CABLES2: variants seen among roughly 807,000 people sequenced by gnomAD.
CABLES2 encodes Cdk5 and Abl enzyme substrate 2, also known as CDK5 and ABL1 enzyme substrate 2.
In CABLES2, 35 loss-of-function variants were observed where a neutral mutation model predicts 44.8. The ratio of observed to expected loss-of-function variants is 0.78; its 90% CI spans 0.60 to 1.04. The LOEUF (loss-of-function observed/expected upper bound fraction) is 1.04, where lower values mean the gene tolerates loss of function less well. Ranked by LOEUF, CABLES2 falls within the 50% of genes least tolerant of loss-of-function variation. The probability of loss-of-function intolerance (pLI) is 0.00; values close to 1 mark genes in which losing one functional copy is unlikely to be tolerated. For missense variants in CABLES2, 566 were observed against 615.7 expected (o/e 0.92, Z 0.85); for synonymous variants, 282 against 281.1 (o/e 1.00, Z -0.03).
intron 1 of CABLES2, among the ~76,000 whole-genome samples, chr20:62,401,017 T>C (rs1232217856): frequency 2.0e-5 from 3 of 152,190 alleles, no homozygotes; most frequent in East Asian, 1.9e-4. Context: ...AGGAGCTGTT[T>C]AGCAACTTGC....
chr20:62,396,490 C>G lies in CABLES2; in HGVS notation c.434+31G>C, dbSNP rs756485443. 3 of 1,613,498 alleles carry G rather than the reference C, an allele frequency of 1.9e-6. No homozygotes were observed. Among genetic ancestry groups the G allele is most frequent in the Non-Finnish European group, 2.5e-6 (3 of 1,179,680 alleles). On this transcript the variant is annotated intron_variant, in intron 2 of 9. Coordinates refer to ENST00000279101, the MANE Select transcript of CABLES2 (RefSeq NM_031215.3). This position sits in a 1 kb window ranked among gnomAD's most constrained non-coding sequence, Gnocchi z 5.7. ...GGGTCAGTGGCAGCCCGAGCGGAGT[C>G]GTAGAGCTCGGGGCGGACGGGGGCG...
chr20:62,407,282 G>T lies in CABLES2; in HGVS notation c.-6C>A. 1 of 421,166 alleles carries T rather than the reference G, an allele frequency of 2.4e-6. No individual in the cohort carries two copies. The highest frequency in any genetic ancestry group is 3.1e-6 in the Non-Finnish European group (1 of 317,630). The allele number at this position is 421,166 out of a possible 1,614,324, so 26.1% of individuals were successfully genotyped here. A position where few individuals can be genotyped will look rare whatever the true frequency, so the allele number is the denominator to read the frequency against. Reference sequence around the variant, plus strand: ...CCGGCCGCGGCCGCGGCCATCCTCAGACTGCGCCCGCCGCCGCGAAGCGCC... The same window carrying T: ...CCGGCCGCGGCCGCGGCCATCCTCATACTGCGCCCGCCGCCGCGAAGCGCC... On this transcript the variant is annotated 5_prime_UTR_variant, in exon 1 of 10. The change creates a new upstream start codon in the 5' untranslated region. Coordinates refer to ENST00000279101, the MANE Select transcript of CABLES2 (RefSeq NM_031215.3).
rs61742254 is a variant in CABLES2, at chr20:62,391,404, C to T, written c.1141G>A (p.Val381Met). 9 of 1,613,352 alleles carry T rather than the reference C, an allele frequency of 5.6e-6. No homozygotes were observed. The highest frequency in any genetic ancestry group is 1.1e-5 in the South Asian group (1 of 91,086). Reference protein sequence around the residue: ...SLSEECSLEPVTVAMAYVYFE... With the variant: ...SLSEECSLEPMTVAMAYVYFE... ...TACACGTAGGCCATGGCCACCGTCA[C>T]GGGCTCCAGGCTGCACTCCTCCGAC... is the stretch of plus-strand genomic sequence containing the variant. The change falls in exon 9 of 10, where the codon GTG (valine) becomes ATG (methionine). Residue 381 changes from valine to methionine, a missense_variant. By Grantham distance (21) the Val-to-Met change is conservative. Transcript: ENST00000279101. The surrounding 1 kb of genome is among the most constrained non-coding windows in gnomAD (Gnocchi z 5.7).
rs140764432 is a variant in CABLES2, at chr20:62,394,634, C to T, written c.605+303G>A. 2.6e-3 allele frequency among the ~76,000 whole-genome samples: 396 copies of T among 152,310 alleles called. 3 individuals are homozygous for T. The highest frequency in any genetic ancestry group is 9.1e-3 in the African/African-American group (379 of 41,562). Reference sequence around the variant, plus strand: ...GTTTCCTCCTTCCCTGAATTACGCACGGATACGACTGCCTGGATGGTCACA... The same window carrying T: ...GTTTCCTCCTTCCCTGAATTACGCATGGATACGACTGCCTGGATGGTCACA... On this transcript the variant is annotated intron_variant, in intron 4 of 9. Transcript: ENST00000279101.
chr20:62,407,218 GGGGGCCCGGC>G lies in CABLES2; in HGVS notation c.49_58del (p.Ala17ArgfsTer139). 1 of 958,436 alleles carries G rather than the reference GGGGGCCCGGC, an allele frequency of 1.0e-6. No homozygotes were observed. Among genetic ancestry groups the G allele is most frequent in the Non-Finnish European group, 1.2e-6 (1 of 808,490 alleles). The allele number at this position is 958,436 out of a possible 1,614,324, so 59.4% of individuals were successfully genotyped here. On this transcript the variant is annotated frameshift_variant, in exon 1 of 10. Transcript: ENST00000279101. LOFTEE classifies it high-confidence loss of function. Reference sequence around the variant, plus strand: ...GGCCGAGGTCGGCGCGGCGGGTGGCGGGGGCCCGGCGGGGCCGGGGGCCGGGCCCGGGGCT... The same window carrying G: ...GGCCGAGGTCGGCGCGGCGGGTGGCGGGGGCCGGGGGCCGGGCCCGGGGCT...
chr20:62,400,255 G>A (rs1292770231), intron 1 of CABLES2, among the ~76,000 whole-genome samples: 1 of 151,184 alleles, frequency 6.6e-6, no homozygotes, highest in Non-Finnish European at 1.5e-5. Flanking sequence ...CGGTGGGCTG[G>A]CCTGCACAGT....
In CABLES2 at chr20:62,393,447, T is replaced by C; in HGVS notation, c.873A>G (p.Thr291=). ...PAPTKSAPAS[T]ELGSDVGDTL... is the part of the protein sequence containing the mutation. ...TTAAGGCACGTGGGCTACCTAGTTC[T>C]GTGCTGGCTGGTGCCGACTTGGTGG... Residue 291 remains threonine (T), a synonymous_variant, in exon 6 of 10, where the codon ACA becomes ACG. Transcript: ENST00000279101. 6.2e-7 allele frequency: 1 copy of C among 1,604,914 alleles called. No homozygotes were observed. The highest frequency in any genetic ancestry group is 8.5e-7 in the Non-Finnish European group (1 of 1,175,274).
rs1053678931 is a variant in CABLES2, at chr20:62,394,201, T to C, written c.670A>G (p.Met224Val). The change falls in exon 5 of 10, where the codon ATG becomes GTG. Residue 224 changes from methionine to valine, a missense_variant. Physicochemically the swap from Met to Val is conservative, Grantham distance 21. Coordinates refer to ENST00000279101, the MANE Select transcript of CABLES2 (RefSeq NM_031215.3). The part of the protein sequence containing the change: ...PSGGVSVSSE[M>V]VFELEGVELG... ...TCCACACCTTCTAGCTCAAAGACCA[T>C]CTCGGAAGACACAGAGACGCCGCCG... The C allele has an allele frequency of 6.2e-7, 1 of 1,613,542 alleles. No individual in the cohort carries two copies.
At position 62,392,331 on chromosome 20, in the gene CABLES2, GA is replaced by G. The variant is rs1987934404; in HGVS notation, c.1091+57del. ...TGGAGAGAATCTACCAGAAACTGGA[GA>G]GGAGAGGCTGGCAGGGCCTCCCAGG... On this transcript the variant is annotated intron_variant, in intron 8 of 9. Transcript: ENST00000279101. 6 of 1,217,820 alleles carry G rather than the reference GA, an allele frequency of 4.9e-6. No individual in the cohort carries two copies. In the East Asian group the frequency reaches 1.4e-4, roughly 28 times the overall value. The allele number at this position is 1,217,820 out of a possible 1,614,324, so 75.4% of individuals were successfully genotyped here. A position where few individuals can be genotyped will look rare whatever the true frequency, so the allele number is the denominator to read the frequency against.
chr20:62,407,264 C>T lies in CABLES2; in HGVS notation c.13G>A (p.Ala5Thr). Reference sequence around the variant, plus strand: ...GCCGGGCCCGGGGCTCCACCGGCCGCGGCCGCGGCCATCCTCAGACTGCGC... The same window carrying T: ...GCCGGGCCCGGGGCTCCACCGGCCGTGGCCGCGGCCATCCTCAGACTGCGC... Reference protein sequence around the residue: MAAAAAGGAPGPAPG... With the variant: MAAATAGGAPGPAPG... The change falls in exon 1 of 10, where the codon GCG (alanine) becomes ACG (threonine). Residue 5 changes from alanine to threonine, a missense_variant. Around this residue, in one of 2 missense-constraint regions of CABLES2, gnomAD observed 130 missense variants for 79.4 expected, o/e 1.64. Transcript: ENST00000279101. The T allele has an allele frequency of 1.7e-6, 1 of 581,570 alleles. No homozygotes were observed. The highest frequency in any genetic ancestry group is 2.2e-6 in the Non-Finnish European group (1 of 464,512). 36.0% of individuals were successfully genotyped at this position (581,570 alleles called of 1,614,324 possible).
Position 62,390,858 on chromosome 20 carries a change from C to T in CABLES2, c.*113G>A. 2 of 1,332,378 alleles carry T rather than the reference C, an allele frequency of 1.5e-6. No individual in the cohort carries two copies. The highest frequency in any genetic ancestry group is 2.1e-6 in the Non-Finnish European group (2 of 960,288). The allele number at this position is 1,332,378 out of a possible 1,614,324, so 82.5% of individuals were successfully genotyped here. A position where few individuals can be genotyped will look rare whatever the true frequency, so the allele number is the denominator to read the frequency against. ...AGCTGCACCAGCGGAGGCCAGGTGC[C>T]TCCTGCTAGCAGGTGCTGGGGGTGC... is the stretch of plus-strand genomic sequence containing the variant. On this transcript the variant is annotated 3_prime_UTR_variant, in exon 10 of 10. Coordinates refer to ENST00000279101, the MANE Select transcript of CABLES2 (RefSeq NM_031215.3).
At chr20:62,397,990 TGGTGATGATGGTGATGGTTATGGC>T (rs1569017293) in intron 1 of CABLES2, among the ~76,000 whole-genome samples, 642 of 43,626 alleles carry the variant, frequency 0.015, 15 homozygotes, top group African/African-American at 0.062. Flanking sequence ...ATGGCGGTGG[TGGTGATGATGGTGATGGTTATGGC>T]GGTGGTGGTG....
In CABLES2 at chr20:62,389,367, T is replaced by A. The variant is rs1186271607; in HGVS notation, c.*1604A>T. On this transcript the variant is annotated 3_prime_UTR_variant, in exon 10 of 10. Transcript: ENST00000279101. ...CAAAGGCTTTGGTTTGTCCTCATCC[T>A]CCAGTCTGTCCCACACACCTGCCAT... 2 of 152,264 alleles carry A rather than the reference T, an allele frequency of 1.3e-5. No individual in the cohort carries two copies. The highest frequency in any genetic ancestry group is 2.9e-5 in the Non-Finnish European group (2 of 68,060). 9.4% of individuals were successfully genotyped at this position (152,264 alleles called of 1,614,324 possible). A position where few individuals can be genotyped will look rare whatever the true frequency, so the allele number is the denominator to read the frequency against.
intron 7 of CABLES2, among the ~76,000 whole-genome samples, 159 bp downstream of exon 7, chr20:62,392,761 C>G (rs1987942696): frequency 6.6e-6 from 1 of 152,208 alleles, no homozygotes; most frequent in African/African-American, 2.4e-5. Flanking sequence ...GCACTGCTCC[C>G]TGGCCTGCCC....
chr20:62,397,913 GGCA>G lies in CABLES2; in HGVS notation c.363-1324_363-1322del, dbSNP rs377437156. ...TGATGGCGGTGGTGGTGATGGTGATGGCAGTGGTGATGGTGGTGGTGGTGATGG... is the reference window on the plus strand; with the variant it reads ...TGATGGCGGTGGTGGTGATGGTGATGGTGGTGATGGTGGTGGTGGTGATGG... On this transcript the variant is annotated intron_variant, in intron 1 of 9. Transcript: ENST00000279101. Among the ~76,000 whole-genome samples the G allele has an allele frequency of 7.8e-3, 948 of 121,640 alleles. 38 individuals are homozygous for G. Among genetic ancestry groups the G allele is most frequent in the African/African-American group, 0.023 (870 of 37,978 alleles). The allele number at this position is 121,640 out of a possible 152,430, so 79.8% of individuals were successfully genotyped here. A position where few individuals can be genotyped will look rare whatever the true frequency, so the allele number is the denominator to read the frequency against.
chr20:62,407,273 C>A lies in CABLES2; in HGVS notation c.4G>T (p.Ala2Ser). The A allele has an allele frequency of 1.9e-6, 1 of 527,584 alleles. No individual in the cohort carries two copies. The highest frequency in any genetic ancestry group is 2.4e-6 in the Non-Finnish European group (1 of 415,100). 32.7% of individuals were successfully genotyped at this position (527,584 alleles called of 1,614,324 possible). Reference sequence around the variant, plus strand: ...GGGGCTCCACCGGCCGCGGCCGCGGCCATCCTCAGACTGCGCCCGCCGCCG... The same window carrying A: ...GGGGCTCCACCGGCCGCGGCCGCGGACATCCTCAGACTGCGCCCGCCGCCG... M[A>S]AAAAGGAPGP... The change falls in exon 1 of 10, where the codon GCC becomes TCC. Residue 2 changes from alanine (A) to serine (S), a missense_variant. By Grantham distance (99) the Ala-to-Ser change is moderately conservative. Around this residue, in one of 2 missense-constraint regions of CABLES2, gnomAD observed 130 missense variants for 79.4 expected, o/e 1.64. Coordinates refer to ENST00000279101, the MANE Select transcript of CABLES2 (RefSeq NM_031215.3).
chr20:62,390,650 G>T lies in CABLES2; in HGVS notation c.*321C>A. On this transcript the variant is annotated 3_prime_UTR_variant, in exon 10 of 10. Coordinates refer to ENST00000279101, the MANE Select transcript of CABLES2 (RefSeq NM_031215.3). ...TGCAGCCGGCTCGCTGCTGCACGCT[G>T]TGAACAAAAGGTCCTGGTACCAGGC... 2.7e-6 allele frequency: 1 copy of T among 368,262 alleles called. No homozygotes were observed. The highest frequency in any genetic ancestry group is 3.3e-5 in the South Asian group (1 of 30,620). The allele number at this position is 368,262 out of a possible 1,614,324, so 22.8% of individuals were successfully genotyped here.
At chr20:62,398,272 G>A (rs1182410601) in intron 1 of CABLES2, among the ~76,000 whole-genome samples, 8 of 75,984 alleles carry the variant, frequency 1.1e-4, no homozygotes, top group East Asian at 2.0e-4. Context: ...TGGTGATGGC[G>A]GTGGTGGTGG....
rs1169956607 is a variant in CABLES2 at position 62,398,106 on chromosome 20, A to ATGGTGGTGGTGG, written c.363-1526_363-1515dup. ...GGTGGTGACGGTGGTGGTGGTGGTG[A>ATGGTGGTGGTGG]TGGTGGTGGTGGTGGTGGTTATGAC... On this transcript the variant is annotated intron_variant, in intron 1 of 9. Coordinates refer to ENST00000279101, the MANE Select transcript of CABLES2 (RefSeq NM_031215.3). Among the ~76,000 whole-genome samples, 93 of 48,792 alleles carry ATGGTGGTGGTGG rather than the reference A, an allele frequency of 1.9e-3. 1 individual carries two copies. The highest frequency in any genetic ancestry group is 2.6e-3 in the Non-Finnish European group (64 of 24,340). The allele number at this position is 48,792 out of a possible 152,430, so 32.0% of individuals were successfully genotyped here. A position where few individuals can be genotyped will look rare whatever the true frequency, so the allele number is the denominator to read the frequency against.
Sources: gnomAD v4.1 joint callset for allele counts (sites outside exome capture counted in the v4.1 genomes callset) on GRCh38, gnomAD v4.1.1 for gene constraint, gnomAD v4.1.1 regional missense constraint, Gnocchi (gnomAD v3.1) non-coding constraint, MANE v1.5 for transcripts, NCBI Gene and HGNC (gene_info 2026-07-23, HGNC 2026-07-21) for gene names.